CCDC7: variants seen among roughly 807,000 people sequenced by gnomAD.
CCDC7 encodes the protein coiled-coil domain containing 7, also known as coiled-coil domain-containing protein 7.
In CCDC7, 183 loss-of-function variants were observed where a neutral mutation model predicts 196.9. The ratio of observed to expected loss-of-function variants is 0.93; its 90% CI spans 0.82 to 1.05. CCDC7 has a LOEUF of 1.05. Ranked by LOEUF, CCDC7 falls within the 50% of genes least tolerant of loss-of-function variation. CCDC7 has a pLI of 0.00. For missense variants in CCDC7, 1,540 were observed against 1,482.2 expected (o/e 1.04, Z -0.64); for synonymous variants, 525 against 484.6 (o/e 1.08, Z -1.10).
At chr10:32,533,525 G>A (rs373692418) in intron 11 of CCDC7, among the ~76,000 whole-genome samples, 6 of 151,708 alleles carry the variant, frequency 4.0e-5, no homozygotes, top group African/African-American at 9.7e-5. Flanking sequence ...TATTTTGCAC[G>A]TTGGTGTTTT....
intron 18 of CCDC7, among the ~76,000 whole-genome samples, chr10:32,588,971 G>T (rs1331572763): frequency 6.6e-6 from 1 of 151,924 alleles, no homozygotes; most frequent in Non-Finnish European, 1.5e-5. Context: ...GGTGAATGGG[G>T]TATCCATCAT....
At chr10:32,511,031 A>G (rs2046028887) in intron 9 of CCDC7, among the ~76,000 whole-genome samples, 1 of 151,654 alleles carries the variant, frequency 6.6e-6, no homozygotes, top group South Asian at 2.1e-4. Flanking sequence ...AGCTGCTTAT[A>G]AAATGGTACT....
At chr10:32,451,886 G>A in exon 1 of CCDC7, 1 of 1,611,430 alleles carries the variant, frequency 6.2e-7, no homozygotes, top group Non-Finnish European at 8.5e-7. Flanking sequence ...ACCAGAAGAT[G>A]AAATGATCGG....
intron 20 of CCDC7, among the ~76,000 whole-genome samples, chr10:32,642,785 A>G (rs543370680): frequency 1.3e-5 from 2 of 152,306 alleles, no homozygotes; most frequent in South Asian, 4.1e-4. Flanking sequence ...GTTCCTGTTC[A>G]GCCATCTTGG....
At chr10:32,513,368 A>G (rs571698180) in intron 9 of CCDC7, 2 of 152,266 alleles carry the variant, frequency 1.3e-5, no homozygotes, top group East Asian at 3.9e-4. Context: ...ATTCCCACCA[A>G]GAAATGCTTA....
At chr10:32,575,636 G>A (rs2058100605) in intron 16 of CCDC7, among the ~76,000 whole-genome samples, 1 of 152,194 alleles carries the variant, frequency 6.6e-6, no homozygotes, top group South Asian at 2.1e-4. Context: ...TTGGAAAAAG[G>A]GAGAAGGGAG....
intron 32 of CCDC7, among the ~76,000 whole-genome samples, chr10:32,829,656 T>A (rs1770661364): frequency 6.6e-6 from 1 of 152,180 alleles, no homozygotes. Context: ...GAAGATTATG[T>A]ATGATCTCAG....
intron 20 of CCDC7, among the ~76,000 whole-genome samples, chr10:32,639,630 T>C (rs1358451579): frequency 1.1e-5 from 1 of 91,628 alleles, no homozygotes; most frequent in Non-Finnish European, 2.3e-5. Context: ...TTCTGTTCTG[T>C]TTTTTTTTTT....
chr10:32,882,736 A>G (rs1226739714), exon 23 of CCDC7: 1 of 152,196 alleles, frequency 6.6e-6, no homozygotes, highest in African/African-American at 2.4e-5. Flanking sequence ...TTCTAAGATC[A>G]AGCCTTTTTG....
intron 31 of CCDC7, among the ~76,000 whole-genome samples, chr10:32,816,021 G>C (rs535990459): frequency 6.6e-6 from 1 of 152,204 alleles, no homozygotes; most frequent in African/African-American, 2.4e-5. Flanking sequence ...CCAAGTGTGA[G>C]CTGAAGCAGG....
chr10:32,820,585 C>G lies in CCDC7; in HGVS notation c.3182-3933C>G, dbSNP rs561654283. On this transcript the variant is annotated intron_variant, in intron 31 of 41. Coordinates refer to ENST00000639629, the Ensembl canonical transcript of CCDC7. ...CAACTATACTACAAGGCTACAGTAACCAAAAGAGCATGGTACTGGTACCAA... is the reference window on the plus strand; with the variant it reads ...CAACTATACTACAAGGCTACAGTAAGCAAAAGAGCATGGTACTGGTACCAA... 9.6e-3 allele frequency among the ~76,000 whole-genome samples: 1,457 copies of G among 152,222 alleles called. 24 individuals are homozygous for G. The highest frequency in any genetic ancestry group is 0.027 in the African/African-American group (1,118 of 41,532).
intron 9 of CCDC7, among the ~76,000 whole-genome samples, chr10:32,515,260 G>C (rs1031155880): frequency 2.0e-5 from 3 of 152,176 alleles, no homozygotes; most frequent in Middle Eastern, 3.2e-3. Context: ...AAGGAAGCTA[G>C]AATAGCCAAA....
At chr10:32,806,360 A>G (rs1278946870) in intron 30 of CCDC7, among the ~76,000 whole-genome samples, 1 of 152,198 alleles carries the variant, frequency 6.6e-6, no homozygotes, top group South Asian at 2.1e-4. Context: ...AGTATGACCC[A>G]TACACAGAAG....
At chr10:32,598,927 A>G (rs963132264) in intron 18 of CCDC7, among the ~76,000 whole-genome samples, 3 of 152,156 alleles carry the variant, frequency 2.0e-5, no homozygotes, top group African/African-American at 7.2e-5. Flanking sequence ...TGTTAGGTCC[A>G]GTTGGGCTAT....
intron 28 of CCDC7, among the ~76,000 whole-genome samples, chr10:32,761,052 G>T (rs1329967670): frequency 6.6e-6 from 1 of 151,986 alleles, no homozygotes; most frequent in African/African-American, 2.4e-5. Flanking sequence ...GGAAGTAATT[G>T]TATTTTATTC....
At chr10:32,799,106 G>A (rs1457954037) in intron 29 of CCDC7, among the ~76,000 whole-genome samples, 1 of 152,106 alleles carries the variant, frequency 6.6e-6, no homozygotes, top group African/African-American at 2.4e-5. Context: ...TGGCTAGATG[G>A]GTCAGAAAGC....
chr10:32,655,269 GCTAA>G (rs201445991), intron 20 of CCDC7, among the ~76,000 whole-genome samples: 5,031 of 152,168 alleles, frequency 0.033, 99 homozygotes, highest in Non-Finnish European at 0.05. Flanking sequence ...ATATTAACAT[GCTAA>G]CTGTTACCAA....
At position 32,753,203 on chromosome 10, in the gene CCDC7, A is replaced by C. The variant is rs939552578; in HGVS notation, c.2905+23746A>C. ...AAATCAGAAGATGAGCTTCAAATTA[A>C]GAAACATAAAATTGCCCAAGTGGAA... is the stretch of plus-strand genomic sequence containing the variant. On this transcript the variant is annotated intron_variant, in intron 28 of 41. Coordinates refer to ENST00000639629, the Ensembl canonical transcript of CCDC7. Among the ~76,000 whole-genome samples the C allele has an allele frequency of 4.6e-5, 7 of 152,302 alleles. No homozygotes were observed. The East Asian group carries it at 5.8e-4, about 13-fold the overall frequency.
chr10:32,804,046 T>G (rs1402829820), intron 29 of CCDC7, among the ~76,000 whole-genome samples: 1 of 152,174 alleles, frequency 6.6e-6, no homozygotes, highest in Non-Finnish European at 1.5e-5. Flanking sequence ...ATTCATGAAT[T>G]TAACTATTTC....
Sources: gnomAD v4.1 joint callset for allele counts (sites outside exome capture counted in the v4.1 genomes callset) on GRCh38, gnomAD v4.1.1 for gene constraint, MANE v1.5 for transcripts, NCBI Gene and HGNC (gene_info 2026-07-23, HGNC 2026-07-21) for gene names.